Variants in TTC23 observed in about 807,000 individuals in gnomAD.
TTC23 encodes the protein tetratricopeptide repeat domain 23.
Under a neutral mutation model 55.1 loss-of-function variants are expected in TTC23, and 58 were observed. That is an observed-to-expected ratio of 1.05 (90% CI 0.85 to 1.31). TTC23 has a LOEUF of 1.31. TTC23 is among the 50% of genes most tolerant of loss of function. The probability of loss-of-function intolerance (pLI) is 0.00; values close to 1 mark genes in which losing one functional copy is unlikely to be tolerated. For synonymous variants in TTC23, 203 were observed against 199.9 expected, an observed-to-expected ratio of 1.02 and a Z score of -0.13; for missense variants, 516 against 534.4, an observed-to-expected ratio of 0.97 and a Z score of 0.34.
intron 13 of TTC23, 59 bp from the exon 14 acceptor site, chr15:99,138,186 C>G: frequency 6.3e-7 from 1 of 1,593,904 alleles, no homozygotes; most frequent in Non-Finnish European, 8.5e-7. Context: ...ACACCGTTCC[C>G]ATCCAGCCTT....
intron 2 of TTC23, among the ~76,000 whole-genome samples, chr15:99,243,005 A>T (rs1300599241): frequency 1.3e-5 from 2 of 152,236 alleles, no homozygotes; most frequent in Non-Finnish European, 2.9e-5. Flanking sequence ...AAATGGGATC[A>T]CATCAAGTAA....
At chr15:99,196,329 A>T (rs73463357) in intron 9 of TTC23, among the ~76,000 whole-genome samples, 2,479 of 152,290 alleles carry the variant, frequency 0.016, 72 homozygotes, top group African/African-American at 0.056. Context: ...TACATCAAAA[A>T]CAATTCTGTG....
chr15:99,240,387 A>G (rs1345905404), intron 3 of TTC23, among the ~76,000 whole-genome samples: 1 of 152,140 alleles, frequency 6.6e-6, no homozygotes, highest in Non-Finnish European at 1.5e-5. Flanking sequence ...TCTAACTTGT[A>G]TATATATATT....
rs186946222 is a variant in TTC23 at position 99,221,765 on chromosome 15, C to A, written c.280G>T (p.Ala94Ser). 23 of 1,614,072 alleles carry A rather than the reference C, an allele frequency of 1.4e-5. No homozygotes were observed. In the Admixed American group the frequency reaches 2.8e-4, roughly 20 times the overall value. The change falls in exon 6 of 14, where the codon GCT becomes TCT. Residue 94 changes from alanine (A) to serine (S), a missense_variant. Physicochemically the swap from Ala to Ser is moderately conservative, Grantham distance 99. Transcript: ENST00000394132. ...CCTTTCAGCTGGAGGTAGCCTTGAGCCAGATTAACATGTGCCTCTGCTAGT... is the reference window on the plus strand; with the variant it reads ...CCTTTCAGCTGGAGGTAGCCTTGAGACAGATTAACATGTGCCTCTGCTAGT... Reference protein sequence around the residue: ...WKLAEAHVNLAQGYLQLKGLS... With the variant: ...WKLAEAHVNLSQGYLQLKGLS...
intron 12 of TTC23, among the ~76,000 whole-genome samples, chr15:99,152,456 A>G (rs1254812920): frequency 6.6e-6 from 1 of 151,916 alleles, no homozygotes; most frequent in African/African-American, 2.4e-5. Context: ...GGCTCACTGC[A>G]ACCTCTGCCT....
intron 12 of TTC23, among the ~76,000 whole-genome samples, chr15:99,154,960 G>A (rs1240784631): frequency 6.6e-5 from 10 of 152,148 alleles, no homozygotes; most frequent in Admixed American, 2.0e-4. Context: ...AGTCAATGCA[G>A]TTAGACAAAA....
At chr15:99,246,068 C>T (rs1252708945) in intron 1 of TTC23, among the ~76,000 whole-genome samples, 1 of 152,034 alleles carries the variant, frequency 6.6e-6, no homozygotes, top group African/African-American at 2.4e-5. Context: ...ACTTGGCCTC[C>T]CAAAATACTG....
At chr15:99,197,304 A>T (rs113008813) in intron 9 of TTC23, among the ~76,000 whole-genome samples, 2 of 151,834 alleles carry the variant, frequency 1.3e-5, no homozygotes, top group South Asian at 2.1e-4. Context: ...GGGTTTCACC[A>T]TGTTAGCCAG....
At chr15:99,216,674 A>G (rs1018431402) in intron 8 of TTC23, among the ~76,000 whole-genome samples, 1 of 152,234 alleles carries the variant, frequency 6.6e-6, no homozygotes, top group Non-Finnish European at 1.5e-5. Context: ...TTTAATAATT[A>G]GATAGCACGT....
intron 9 of TTC23, among the ~76,000 whole-genome samples, chr15:99,193,601 AGTCTTGGGTAT>A (rs1429355692): frequency 1.3e-5 from 2 of 152,180 alleles, no homozygotes; most frequent in Admixed American, 1.3e-4. Flanking sequence ...TAAGTTGCCC[AGTCTTGGGTAT>A]GTCTTTATCA....
intron 8 of TTC23, among the ~76,000 whole-genome samples, chr15:99,204,643 T>TTTTG (rs1265095704): frequency 7.7e-6 from 1 of 129,860 alleles, no homozygotes; most frequent in Non-Finnish European, 1.6e-5. Flanking sequence ...TTTTTTTTTT[T>TTTTG]TTTTTTTTTT....
chr15:99,163,766 C>A (rs1355569773), intron 10 of TTC23, among the ~76,000 whole-genome samples: 3 of 152,184 alleles, frequency 2.0e-5, no homozygotes. Flanking sequence ...TTTCCTCACT[C>A]CTTCCACCCT....
intron 9 of TTC23, among the ~76,000 whole-genome samples, chr15:99,176,403 G>A (rs1205519041): frequency 1.3e-5 from 2 of 152,148 alleles, no homozygotes; most frequent in Non-Finnish European, 2.9e-5. Flanking sequence ...TAGAGCTCAG[G>A]AGTTCAAGAT....
At chr15:99,190,781 T>A (rs571796983) in intron 9 of TTC23, among the ~76,000 whole-genome samples, 3 of 152,044 alleles carry the variant, frequency 2.0e-5, no homozygotes, top group African/African-American at 7.2e-5. Context: ...CATTTATATG[T>A]CTTTTTATTT....
intron 2 of TTC23, among the ~76,000 whole-genome samples, chr15:99,243,119 C>T (rs183938745): frequency 1.3e-5 from 2 of 152,156 alleles, no homozygotes; most frequent in East Asian, 1.9e-4. Context: ...GGATTAATAA[C>T]CAGAATATAT....
intron 8 of TTC23, among the ~76,000 whole-genome samples, 159 bp from the exon 9 acceptor site, chr15:99,200,255 G>A (rs2076091193): frequency 6.6e-6 from 1 of 152,154 alleles, no homozygotes; most frequent in African/African-American, 2.4e-5. Flanking sequence ...AGGGCATGGT[G>A]GTTAAGAAGA....
chr15:99,151,533 C>G (rs1440457982), intron 12 of TTC23: 1 of 152,348 alleles, frequency 6.6e-6, no homozygotes, highest in Admixed American at 6.5e-5. Context: ...AGAGCGCCCT[C>G]CTGGCATGAG....
Position 99,228,652 on chromosome 15 carries a change from T to TA in TTC23, c.60dup (p.Ser21Ter), listed in dbSNP as rs1384676664. ...TGGAACTTCTTTCTATGAGTGATGC[T>TA]AACAGCAGCAACAACTTCATCTAGG... On this transcript the variant is annotated frameshift_variant, in exon 5 of 14. Transcript: ENST00000394132. LOFTEE classifies it high-confidence loss of function. 1 of 1,613,646 alleles carries TA rather than the reference T, an allele frequency of 6.2e-7. No homozygotes were observed. The highest frequency in any genetic ancestry group is 8.5e-7 in the Non-Finnish European group (1 of 1,179,758).
intron 10 of TTC23, 131 bp from the exon 11 acceptor site, chr15:99,161,998 G>T: frequency 1.1e-6 from 1 of 905,450 alleles, no homozygotes; most frequent in Non-Finnish European, 1.6e-6. Flanking sequence ...AGTTAAGACT[G>T]TCCTTTGCCC....
Sources: allele counts gnomAD v4.1 joint callset (sites outside exome capture counted in the v4.1 genomes callset), GRCh38; gene constraint gnomAD v4.1.1; transcripts MANE v1.5; gene names NCBI Gene and HGNC (gene_info 2026-07-23, HGNC 2026-07-21).